KIF18A: variants seen among roughly 807,000 people sequenced by gnomAD.
KIF18A encodes the protein kinesin family member 18A.
KIF18A carries 67 observed loss-of-function variants against 103.3 expected under a neutral mutation model. The ratio of observed to expected loss-of-function variants is 0.65; its 90% CI spans 0.53 to 0.79. The LOEUF is 0.79. KIF18A is among the 30% of genes least tolerant of loss of function. The probability of loss-of-function intolerance (pLI) is 0.00; values close to 1 mark genes in which losing one functional copy is unlikely to be tolerated. For synonymous variants in KIF18A, 367 were observed against 355.5 expected (o/e 1.03, Z -0.36); for missense variants, 1,032 against 1,062.5 (o/e 0.97, Z 0.40).
intron 15 of KIF18A, among the ~76,000 whole-genome samples, chr11:28,033,403 G>A (rs1850436487): frequency 6.6e-6 from 1 of 151,262 alleles, no homozygotes; most frequent in Non-Finnish European, 1.5e-5. Context: ...AGAGATATCT[G>A]CACTACCATG....
At chr11:28,028,044 T>C (rs1291155129) in intron 15 of KIF18A, among the ~76,000 whole-genome samples, 8 of 151,932 alleles carry the variant, frequency 5.3e-5, no homozygotes, top group Admixed American at 1.3e-4. Context: ...GTTCAACATA[T>C]GCAAATTAAC....
chr11:28,063,568 T>G (rs1850881784), intron 11 of KIF18A, among the ~76,000 whole-genome samples: 1 of 152,120 alleles, frequency 6.6e-6, no homozygotes, highest in East Asian at 1.9e-4. Flanking sequence ...TTACTTGTCT[T>G]TCCTTAAACC....
chr11:28,084,768 G>A lies in KIF18A; in HGVS notation c.938C>T (p.Thr313Ile). ...TCCAAGAGAATCCTTTAACAAGCGA[G>A]TAAGCTTACTATTTCTGTAAGGGAT... ...QHIPYRNSKL[T>I]RLLKDSLGGN... The change falls in exon 7 of 17, where the codon ACT becomes ATT. Residue 313 changes from threonine to isoleucine, a missense_variant. By Grantham distance (89) the Thr-to-Ile change is moderately conservative (BLOSUM62 -1). Coordinates refer to ENST00000263181, the MANE Select transcript of KIF18A (RefSeq NM_031217.4). The A allele has an allele frequency of 6.2e-7, 1 of 1,613,046 alleles. No homozygotes were observed. The highest frequency in any genetic ancestry group is 8.5e-7 in the Non-Finnish European group (1 of 1,179,248).
At chr11:28,079,542 C>T (rs1380395988) in intron 9 of KIF18A, among the ~76,000 whole-genome samples, 17 of 152,060 alleles carry the variant, frequency 1.1e-4, no homozygotes, top group Admixed American at 1.1e-3. Flanking sequence ...CTTATAGATA[C>T]TGAGACACTT....
chr11:28,043,120 A>C (rs2133503558), intron 13 of KIF18A, among the ~76,000 whole-genome samples: 1 of 152,076 alleles, frequency 6.6e-6, no homozygotes, highest in Non-Finnish European at 1.5e-5. Flanking sequence ...CTGAACACTA[A>C]AAGTAGCGCT....
chr11:28,038,176 C>T (rs1484775911), intron 13 of KIF18A, among the ~76,000 whole-genome samples: 1 of 151,386 alleles, frequency 6.6e-6, no homozygotes, highest in Non-Finnish European at 1.5e-5. Context: ...ATTCTTGGTC[C>T]TTGGTCCAAA....
chr11:28,074,459 A>C (rs1326477968), intron 10 of KIF18A, among the ~76,000 whole-genome samples: 1 of 152,280 alleles, frequency 6.6e-6, no homozygotes, highest in South Asian at 2.1e-4. Flanking sequence ...TGCAAGGAAC[A>C]TCTTAAATGC....
At chr11:28,103,319 TA>T (rs771639394) in intron 1 of KIF18A, among the ~76,000 whole-genome samples, 542 of 135,448 alleles carry the variant, frequency 4.0e-3, no homozygotes, top group Admixed American at 4.1e-3. Flanking sequence ...ATGCAAAAAT[TA>T]AAAAAAAAAA....
chr11:28,071,654 C>T (rs973085485), intron 10 of KIF18A, among the ~76,000 whole-genome samples: 1 of 151,534 alleles, frequency 6.6e-6, no homozygotes, highest in African/African-American at 2.4e-5. Flanking sequence ...CTTTGAAGTC[C>T]TAAATAATTT....
intron 13 of KIF18A, among the ~76,000 whole-genome samples, chr11:28,049,313 A>C (rs868742007): frequency 1.3e-5 from 2 of 152,066 alleles, no homozygotes; most frequent in Admixed American, 6.6e-5. Flanking sequence ...CATAAAATAA[A>C]GAGACTAGAT....
At chr11:28,037,396 A>T (rs894872915) in intron 13 of KIF18A, among the ~76,000 whole-genome samples, 1 of 151,632 alleles carries the variant, frequency 6.6e-6, no homozygotes, top group Non-Finnish European at 1.5e-5. Flanking sequence ...CAATTAAAAA[A>T]ATATACAATA....
At chr11:28,068,956 C>G (rs1850973703) in intron 11 of KIF18A, among the ~76,000 whole-genome samples, 1 of 152,110 alleles carries the variant, frequency 6.6e-6, no homozygotes. Flanking sequence ...TTTCTTTAAC[C>G]ATAACACATT....
At chr11:28,074,535 T>C (rs932644464) in intron 10 of KIF18A, among the ~76,000 whole-genome samples, 3 of 152,112 alleles carry the variant, frequency 2.0e-5, no homozygotes, top group Non-Finnish European at 2.9e-5. Flanking sequence ...TCAATAAATA[T>C]ATTACTAATT....
chr11:28,089,453 C>G (rs965500544), intron 5 of KIF18A, among the ~76,000 whole-genome samples: 6 of 152,096 alleles, frequency 3.9e-5, no homozygotes, highest in Non-Finnish European at 7.4e-5. Flanking sequence ...TCATTTATTA[C>G]CAAGTCTCAT....
chr11:28,097,430 T>G, intron 2 of KIF18A, 193 bp downstream of exon 2: 2 of 559,072 alleles, frequency 3.6e-6, no homozygotes, highest in Non-Finnish European at 6.3e-6. Context: ...GGTTTACAAA[T>G]GATGTATAAG....
At chr11:28,022,976 T>A (rs1430380416) in intron 16 of KIF18A, among the ~76,000 whole-genome samples, 2 of 152,234 alleles carry the variant, frequency 1.3e-5, no homozygotes, top group African/African-American at 4.8e-5. Context: ...TTTGCTATAA[T>A]TATCAGTTCC....
intron 1 of KIF18A, among the ~76,000 whole-genome samples, 157 bp from the exon 2 acceptor site, chr11:28,098,150 A>G (rs1250737153): frequency 6.6e-6 from 1 of 151,754 alleles, no homozygotes; most frequent in East Asian, 1.9e-4. Context: ...GGCACACACA[A>G]CACACACACA....
chr11:28,095,002 G>C (rs181116990), intron 2 of KIF18A, among the ~76,000 whole-genome samples: 33 of 152,086 alleles, frequency 2.2e-4, no homozygotes, highest in African/African-American at 7.0e-4. Flanking sequence ...CTGATAAATG[G>C]TATCACTACC....
At chr11:28,059,738 A>C (rs1183830780) in intron 12 of KIF18A, among the ~76,000 whole-genome samples, 1 of 152,132 alleles carries the variant, frequency 6.6e-6, no homozygotes, top group Non-Finnish European at 1.5e-5. Flanking sequence ...AGCTAAATGA[A>C]TTAAATGTAC....
Sources: gnomAD v4.1 joint callset for allele counts (sites outside exome capture counted in the v4.1 genomes callset) on GRCh38, gnomAD v4.1.1 for gene constraint, MANE v1.5 for transcripts, NCBI Gene and HGNC (gene_info 2026-07-23, HGNC 2026-07-21) for gene names.